SIAH3: variants seen among roughly 807,000 people sequenced by gnomAD.
The protein encoded by SIAH3 is siah E3 ubiquitin protein ligase family member 3, also known as seven in absentia homolog 3.
A neutral mutation model predicts 12.6 loss-of-function variants in SIAH3; 9 were observed. That is an observed-to-expected ratio of 0.72 (90% CI 0.43 to 1.25). SIAH3 has a LOEUF of 1.25. Ranked by LOEUF, SIAH3 falls within the 50% of genes most tolerant of loss-of-function variation. SIAH3 has a pLI of 0.00. For synonymous variants in SIAH3, 154 were observed against 151.1 expected, an observed-to-expected ratio of 1.02 and a Z score of -0.14; for missense variants, 390 against 365.4, an observed-to-expected ratio of 1.07 and a Z score of -0.55.
chr13:45,807,150 C>A (rs74411408), intron 1 of SIAH3, among the ~76,000 whole-genome samples: 5,657 of 151,864 alleles, frequency 0.037, 164 homozygotes, highest in Middle Eastern at 0.11. Context: ...ACGTAAAATG[C>A]TACAGAAGAA....
rs561612416 is a variant in SIAH3 at position 45,780,386 on chromosome 13, C to G, written c.*2997G>C. Reference sequence around the variant, plus strand: ...TCCTGGGCTCAAGCCATCCCCCTGTCTTGGCCTCCGAGTAGTTAAGACTAT... The same window carrying G: ...TCCTGGGCTCAAGCCATCCCCCTGTGTTGGCCTCCGAGTAGTTAAGACTAT... On this transcript the variant is annotated 3_prime_UTR_variant, in exon 2 of 2. Coordinates refer to ENST00000400405, the MANE Select transcript of SIAH3 (RefSeq NM_198849.3). The G allele has an allele frequency of 2.0e-5, 3 of 152,228 alleles. No individual in the cohort carries two copies. Among genetic ancestry groups the G allele is most frequent in the East Asian group, 3.9e-4 (2 of 5,180 alleles). 9.4% of individuals were successfully genotyped at this position (152,228 alleles called of 1,614,324 possible). A position where few individuals can be genotyped will look rare whatever the true frequency, so the allele number is the denominator to read the frequency against.
At chr13:45,795,026 TA>T (rs1234564301) in intron 1 of SIAH3, among the ~76,000 whole-genome samples, 1 of 152,126 alleles carries the variant, frequency 6.6e-6, no homozygotes, top group African/African-American at 2.4e-5. Context: ...TCTCCTTTTT[TA>T]AAAAAACTTA....
intron 1 of SIAH3, among the ~76,000 whole-genome samples, chr13:45,847,008 A>G (rs549144785): frequency 4.3e-4 from 65 of 152,292 alleles, no homozygotes; most frequent in Non-Finnish European, 7.8e-4. Flanking sequence ...AAGCCTTTAG[A>G]ATAATGCTCG....
In SIAH3 at chr13:45,777,445, A is replaced by T. The variant is rs1402844565; in HGVS notation, c.*5938T>A. ...CTCAATACCCTAAAAAAAAGACTGAAAAAGGTTGAGGAGTATTTATAGTAT... is the reference window on the plus strand; with the variant it reads ...CTCAATACCCTAAAAAAAAGACTGATAAAGGTTGAGGAGTATTTATAGTAT... On this transcript the variant is annotated 3_prime_UTR_variant, in exon 2 of 2. Transcript: ENST00000400405. The T allele has an allele frequency of 6.6e-6, 1 of 152,204 alleles. No individual in the cohort carries two copies. Among genetic ancestry groups the T allele is most frequent in the Non-Finnish European group, 1.5e-5 (1 of 68,048 alleles). The allele number at this position is 152,204 out of a possible 1,614,324, so 9.4% of individuals were successfully genotyped here.
At chr13:45,803,290 A>G (rs1273515848) in intron 1 of SIAH3, among the ~76,000 whole-genome samples, 2 of 152,198 alleles carry the variant, frequency 1.3e-5, no homozygotes, top group South Asian at 2.1e-4. Flanking sequence ...TCGTTCATCA[A>G]ACTTTATCAG....
At chr13:45,840,065 C>T (rs971046780) in intron 1 of SIAH3, among the ~76,000 whole-genome samples, 2 of 152,148 alleles carry the variant, frequency 1.3e-5, no homozygotes, top group Non-Finnish European at 1.5e-5. Context: ...CGAGACCAGC[C>T]TGGCCAACAT....
chr13:45,837,154 A>G (rs969877873), intron 1 of SIAH3, among the ~76,000 whole-genome samples: 11 of 152,118 alleles, frequency 7.2e-5, no homozygotes, highest in Admixed American at 5.9e-4. Flanking sequence ...TCTACTCCCA[A>G]ATCTTTTGGG....
At chr13:45,824,246 G>A (rs1442268468) in intron 1 of SIAH3, among the ~76,000 whole-genome samples, 4 of 152,182 alleles carry the variant, frequency 2.6e-5, no homozygotes, top group African/African-American at 9.7e-5. Context: ...TCCTTTTAGT[G>A]CCAAACCCTT....
At chr13:45,787,173 GA>G (rs1950530865) in intron 1 of SIAH3, among the ~76,000 whole-genome samples, 2 of 152,096 alleles carry the variant, frequency 1.3e-5, no homozygotes, top group Non-Finnish European at 2.9e-5. Context: ...GTGGATGGGT[GA>G]AGACGGGTGA....
rs1950516654 is a variant in SIAH3 at position 45,783,992 on chromosome 13, ATGGTGAGGG to A, written c.192_200del (p.Pro65_His67del). 1 of 1,606,062 alleles carries A rather than the reference ATGGTGAGGG, an allele frequency of 6.2e-7. No homozygotes were observed. Among genetic ancestry groups the A allele is most frequent in the African/African-American group, 1.3e-5 (1 of 74,778 alleles). On this transcript the variant is annotated inframe_deletion, in exon 2 of 2. Transcript: ENST00000400405. ...GGTGGTGGCAGTGGTGGTGGGAGAG[ATGGTGAGGG>A]TGGAAGCTGCCTTGCTCTGGAGCGC...
chr13:45,845,187 ATTTT>A (rs34053407), intron 1 of SIAH3, among the ~76,000 whole-genome samples: 4 of 140,466 alleles, frequency 2.8e-5, no homozygotes, highest in South Asian at 2.2e-4. Flanking sequence ...TGTTTTATGC[ATTTT>A]TTTTTTTTTT....
intron 1 of SIAH3, among the ~76,000 whole-genome samples, chr13:45,831,074 G>C (rs988788695): frequency 6.6e-6 from 1 of 152,018 alleles, no homozygotes; most frequent in Non-Finnish European, 1.5e-5. Context: ...AGCTACTTGA[G>C]AGACTGAGGC....
intron 1 of SIAH3, among the ~76,000 whole-genome samples, chr13:45,798,631 C>G (rs116954179): frequency 6.6e-6 from 1 of 152,292 alleles, no homozygotes; most frequent in African/African-American, 2.4e-5. Flanking sequence ...CCATTAGAAC[C>G]GTCCAGATGA....
chr13:45,790,254 T>C (rs1950541631), intron 1 of SIAH3, among the ~76,000 whole-genome samples: 1 of 152,202 alleles, frequency 6.6e-6, no homozygotes, highest in South Asian at 2.1e-4. Context: ...ATTGTTTAGC[T>C]AGAAAAGAGG....
chr13:45,836,262 G>A (rs944022707), intron 1 of SIAH3, among the ~76,000 whole-genome samples: 1 of 152,196 alleles, frequency 6.6e-6, no homozygotes, highest in Non-Finnish European at 1.5e-5. Context: ...GCATGCATAT[G>A]TTCATTGCAT....
chr13:45,806,110 T>C (rs1008470073), intron 1 of SIAH3, among the ~76,000 whole-genome samples: 42 of 152,300 alleles, frequency 2.8e-4, no homozygotes, highest in African/African-American at 1.0e-3. Flanking sequence ...ATTTATATAC[T>C]GTTGGTGGAA....
intron 1 of SIAH3, among the ~76,000 whole-genome samples, chr13:45,808,777 G>A (rs76332590): frequency 0.017 from 2,599 of 152,214 alleles, 63 homozygotes; most frequent in African/African-American, 0.06. Flanking sequence ...GGGCACAGTA[G>A]GGAATCTCCA....
intron 1 of SIAH3, among the ~76,000 whole-genome samples, chr13:45,828,311 G>A (rs138533835): frequency 1.4e-3 from 218 of 152,284 alleles, no homozygotes; most frequent in African/African-American, 4.8e-3. Flanking sequence ...CTCATTTAGA[G>A]ATGAACTAGC....
chr13:45,795,625 T>C (rs2137554387), intron 1 of SIAH3, among the ~76,000 whole-genome samples: 1 of 152,342 alleles, frequency 6.6e-6, no homozygotes, highest in Non-Finnish European at 1.5e-5. Context: ...CCTTCATCTC[T>C]GACCCAGGAG....
Sources: gnomAD v4.1 joint callset for allele counts (sites outside exome capture counted in the v4.1 genomes callset) on GRCh38, gnomAD v4.1.1 for gene constraint, MANE v1.5 for transcripts, NCBI Gene and HGNC (gene_info 2026-07-23, HGNC 2026-07-21) for gene names.